Variants in NWD2 observed in about 807,000 individuals in gnomAD.
The protein encoded by NWD2 is NACHT and WD repeat domain-containing protein 2.
In NWD2, 37 loss-of-function variants were observed where a neutral mutation model predicts 132.7. The observed-to-expected ratio is 0.28, with a 90% confidence interval of 0.21 to 0.37. The LOEUF (loss-of-function observed/expected upper bound fraction) is 0.37, where lower values mean the gene tolerates loss of function less well. Ranked by LOEUF, NWD2 falls within the 10% of genes least tolerant of loss-of-function variation. The pLI is 1.00. For synonymous variants in NWD2, 705 were observed against 803.0 expected, an observed-to-expected ratio of 0.88 and a Z score of 2.06; for missense variants, 1,592 against 2,122.4, an observed-to-expected ratio of 0.75 and a Z score of 4.91.
rs1043628238 is a variant in NWD2 at position 37,444,473 on chromosome 4, G to A, written c.2485G>A (p.Val829Ile). The A allele has an allele frequency of 6.8e-5, 105 of 1,551,642 alleles. No individual in the cohort carries two copies. Among genetic ancestry groups the A allele is most frequent in the Non-Finnish European group, 8.4e-5 (96 of 1,147,022 alleles). The change falls in exon 7 of 7, where the codon GTT becomes ATT. Residue 829 changes from valine to isoleucine, a missense_variant. Val to Ile is a conservative substitution (Grantham distance 29, BLOSUM62 3). Coordinates refer to ENST00000309447, the MANE Select transcript of NWD2 (RefSeq NM_001144990.2). This position sits in a 1 kb window ranked among gnomAD's most constrained non-coding sequence, Gnocchi z 4.8. ...TCCCCTGGAACCTGACATCTTTTTC[G>A]TTAATCATCGGAAAATGTCTGAGCT... ...CNPLEPDIFF[V>I]NHRKMSELLY...
chr4:37,402,263 G>A (rs556466711), intron 3 of NWD2, among the ~76,000 whole-genome samples: 66 of 152,278 alleles, frequency 4.3e-4, no homozygotes, highest in Non-Finnish European at 6.6e-4. Context: ...AAATTTCTCA[G>A]TCTCAGATAT....
chr4:37,446,623 T>C lies in NWD2; in HGVS notation c.4635T>C (p.Asp1545=), dbSNP rs1171819335. Residue 1545 remains aspartate, a synonymous_variant, in exon 7 of 7, where the codon GAT becomes GAC. Coordinates refer to ENST00000309447, the MANE Select transcript of NWD2 (RefSeq NM_001144990.2). This position sits in a 1 kb window ranked among gnomAD's most constrained non-coding sequence, Gnocchi z 6.7. ...AGCTAGGCATTATAGCCAGGGGAGA[T>C]GAAAACATCAATGTGCTAGATTTAT... ...NGKLGIIARG[D]ENINVLDLYS... 2.6e-6 allele frequency: 4 copies of C among 1,551,506 alleles called. No individual in the cohort carries two copies. The highest frequency in any genetic ancestry group is 2.6e-6 in the Non-Finnish European group (3 of 1,146,968).
chr4:37,257,929 T>C (rs905839831), intron 1 of NWD2, among the ~76,000 whole-genome samples: 12 of 152,228 alleles, frequency 7.9e-5, no homozygotes, highest in African/African-American at 2.9e-4. Flanking sequence ...ATTCAAAGAA[T>C]AAAAAGTTTG....
intron 2 of NWD2, among the ~76,000 whole-genome samples, chr4:37,341,318 T>A (rs1029739487): frequency 3.9e-5 from 6 of 152,336 alleles, no homozygotes; most frequent in African/African-American, 1.4e-4. Context: ...ATTAAATGAA[T>A]TTTCAACTTA....
chr4:37,410,060 T>C (rs1370906769), intron 3 of NWD2, among the ~76,000 whole-genome samples: 2 of 152,108 alleles, frequency 1.3e-5, no homozygotes, highest in African/African-American at 4.8e-5. Flanking sequence ...ACATACCAAA[T>C]TGTAAAGAAC....
intron 1 of NWD2, among the ~76,000 whole-genome samples, chr4:37,251,406 C>T (rs1035675503): frequency 1.3e-5 from 2 of 152,068 alleles, no homozygotes; most frequent in Admixed American, 6.6e-5. Context: ...TACAAACTAC[C>T]CCAGATCTTT....
intron 3 of NWD2, among the ~76,000 whole-genome samples, chr4:37,400,100 A>G (rs904575607): frequency 6.6e-6 from 1 of 152,238 alleles, no homozygotes; most frequent in Non-Finnish European, 1.5e-5. Flanking sequence ...TTGGAAATCA[A>G]CAGAATCTAA....
rs373302413 is a variant in NWD2, at chr4:37,443,554, T to C, written c.1566T>C (p.Asn522=). 6.2e-5 allele frequency: 96 copies of C among 1,551,816 alleles called. 5 individuals carry two copies. The highest frequency in any genetic ancestry group is 4.4e-4 in the East Asian group (18 of 40,926). The change falls in exon 7 of 7, where the codon AAT becomes AAC. Residue 522 remains asparagine, a synonymous_variant. Coordinates refer to ENST00000309447, the MANE Select transcript of NWD2 (RefSeq NM_001144990.2). The surrounding 1 kb of genome is among the most constrained non-coding windows in gnomAD (Gnocchi z 4.1). ...IFDALEQLSE[N]DDARKLWWLP... ...ATGCACTAGAGCAGCTCTCAGAGAA[T>C]GATGATGCCAGGAAGCTTTGGTGGC...
At chr4:37,413,239 A>G (rs1373668543) in intron 3 of NWD2, among the ~76,000 whole-genome samples, 1 of 152,228 alleles carries the variant, frequency 6.6e-6, no homozygotes, top group Non-Finnish European at 1.5e-5. Flanking sequence ...AAGGGCTAAT[A>G]TCCAGAATCT....
chr4:37,315,051 T>C (rs1379520695), intron 1 of NWD2, among the ~76,000 whole-genome samples: 1 of 152,160 alleles, frequency 6.6e-6, no homozygotes, highest in Admixed American at 6.5e-5. Flanking sequence ...AGAATATTAG[T>C]GTATTAGAAG....
chr4:37,426,906 T>G (rs150844585), intron 3 of NWD2, among the ~76,000 whole-genome samples: 1 of 152,098 alleles, frequency 6.6e-6, no homozygotes, highest in South Asian at 2.1e-4. Flanking sequence ...CAGAAAGAAG[T>G]TGAAGAACGA....
intron 1 of NWD2, among the ~76,000 whole-genome samples, chr4:37,286,522 G>A (rs1181658041): frequency 1.3e-5 from 2 of 152,212 alleles, no homozygotes; most frequent in African/African-American, 4.8e-5. Context: ...GTGCAAAGAT[G>A]ATTGCATGGG....
chr4:37,246,954 A>AT (rs1214153295), intron 1 of NWD2, among the ~76,000 whole-genome samples: 1 of 152,164 alleles, frequency 6.6e-6, no homozygotes, highest in Non-Finnish European at 1.5e-5. Context: ...GGTTAATGTC[A>AT]TTTTTTTAAG....
intron 1 of NWD2, among the ~76,000 whole-genome samples, chr4:37,272,860 C>G (rs1717901656): frequency 6.6e-6 from 1 of 151,674 alleles, no homozygotes; most frequent in Non-Finnish European, 1.5e-5. Flanking sequence ...TGTAAACCAC[C>G]TTTCTGATGT....
chr4:37,406,889 T>C (rs1361556325), intron 3 of NWD2, among the ~76,000 whole-genome samples: 1 of 151,918 alleles, frequency 6.6e-6, no homozygotes, highest in African/African-American at 2.4e-5. Context: ...AGAGCAAAAC[T>C]CCATCTCAAA....
At chr4:37,394,811 T>TTTTTTTGTTTTG (rs1720752170) in intron 3 of NWD2, among the ~76,000 whole-genome samples, 1 of 120,782 alleles carries the variant, frequency 8.3e-6, no homozygotes, top group East Asian at 2.4e-4. Flanking sequence ...TTTTTTTTTT[T>TTTTTTTGTTTTG]TTTTTTTTTT....
rs1419745996 is a variant in NWD2 at position 37,411,071 on chromosome 4, C to A, written c.358-19501C>A. Among the ~76,000 whole-genome samples the A allele has an allele frequency of 1.3e-5, 2 of 152,124 alleles. 1 individual carries two copies. The highest frequency in any genetic ancestry group is 4.1e-4 in the South Asian group (2 of 4,820). On this transcript the variant is annotated intron_variant, in intron 3 of 6. Coordinates refer to ENST00000309447, the MANE Select transcript of NWD2 (RefSeq NM_001144990.2). ...AGATCTAAAACTGACACCCTAACATCAAAATTAAAAGAATTAGAGAAGCAA... is the reference window on the plus strand; with the variant it reads ...AGATCTAAAACTGACACCCTAACATAAAAATTAAAAGAATTAGAGAAGCAA...
At chr4:37,346,797 C>A (rs1489506532) in intron 2 of NWD2, among the ~76,000 whole-genome samples, 3 of 151,958 alleles carry the variant, frequency 2.0e-5, no homozygotes, top group Non-Finnish European at 1.5e-5. Context: ...TTCTGGTGCT[C>A]TTTTAAATTG....
At chr4:37,283,167 A>G (rs997325237) in intron 1 of NWD2, among the ~76,000 whole-genome samples, 14 of 152,194 alleles carry the variant, frequency 9.2e-5, no homozygotes, top group African/African-American at 3.4e-4. Flanking sequence ...AACCAAAGAA[A>G]AGCCTTCTCC....
Sources: gnomAD v4.1 joint callset for allele counts (sites outside exome capture counted in the v4.1 genomes callset) on GRCh38, gnomAD v4.1.1 for gene constraint, Gnocchi (gnomAD v3.1) non-coding constraint, MANE v1.5 for transcripts, NCBI Gene and HGNC (gene_info 2026-07-23, HGNC 2026-07-21) for gene names.